CCNL2: variants seen among roughly 807,000 people sequenced by gnomAD.
The protein encoded by CCNL2 is cyclin L2.
CCNL2 carries 28 observed loss-of-function variants against 59.1 expected under a neutral mutation model. The observed-to-expected ratio is 0.47, with a 90% confidence interval of 0.35 to 0.65. The LOEUF is 0.65. CCNL2 is among the 30% of genes least tolerant of loss of function. The pLI, the probability that CCNL2 is intolerant of heterozygous loss-of-function variation, is 0.00. For synonymous variants in CCNL2, 342 were observed against 288.6 expected, an observed-to-expected ratio of 1.19 and a Z score of -1.88; for missense variants, 714 against 717.4, an observed-to-expected ratio of 1.00 and a Z score of 0.05.
intron 8 of CCNL2, chr1:1,388,650 A>G: frequency 2.4e-6 from 1 of 420,496 alleles, no homozygotes; most frequent in Non-Finnish European, 4.7e-6. Flanking sequence ...GGGCGCCTGC[A>G]ATCCCAGCTA....
At chr1:1,391,039 C>T (rs1644736941) in intron 5 of CCNL2, 174 bp from the exon 6 acceptor site, 1 of 950,324 alleles carries the variant, frequency 1.1e-6, no homozygotes, top group Non-Finnish European at 1.5e-6. Context: ...AATATTCTAG[C>T]TGCTTTTTCT....
In CCNL2 at chr1:1,390,849, T is replaced by C; in HGVS notation, c.676A>G (p.Ser226Gly). 1 of 1,614,068 alleles carries C rather than the reference T, an allele frequency of 6.2e-7. No homozygotes were observed. Among genetic ancestry groups the C allele is most frequent in the Non-Finnish European group, 8.5e-7 (1 of 1,179,958 alleles). Reference sequence around the variant, plus strand: ...CGCACGAAGACGTCGGTGCGAAGGCTGTCGTTCATGTAATTCCTGGAAGCC... The same window carrying C: ...CGCACGAAGACGTCGGTGCGAAGGCCGTCGTTCATGTAATTCCTGGAAGCC... ...VQTSWNYMND[S>G]LRTDVFVRFQ... The change falls in exon 6 of 11, where the codon AGC (serine) becomes GGC (glycine). Residue 226 changes from serine to glycine, a missense_variant. This residue lies in a region of CCNL2 where 19 missense variants were observed against 40.8 expected (regional missense o/e 0.47). Coordinates refer to ENST00000400809, the MANE Select transcript of CCNL2 (RefSeq NM_030937.6).
At position 1,390,322 on chromosome 1, in the gene CCNL2, ATAGC is replaced by A; in HGVS notation, c.910_913del (p.Ala304SerfsTer48). On this transcript the variant is annotated frameshift_variant, in exon 8 of 11. Coordinates refer to ENST00000400809, the MANE Select transcript of CCNL2 (RefSeq NM_030937.6). LOFTEE classifies it high-confidence loss of function. ...CCGGGCTTGGGCCTTTGCCTCTTCG[ATAGC>A]GTGCTTTCTTTTTTCCACTTCACCC... 6.2e-7 allele frequency: 1 copy of A among 1,613,962 alleles called. No individual in the cohort carries two copies.
At chr1:1,398,794 C>T (rs1645199867) in intron 1 of CCNL2, 123 bp from the exon 2 acceptor site, 1 of 1,253,638 alleles carries the variant, frequency 8.0e-7, no homozygotes, top group Non-Finnish European at 1.1e-6. Flanking sequence ...CCCACGTCCA[C>T]AAAGGCTCTT....
rs1644466261 is a variant in CCNL2 at position 1,386,614 on chromosome 1, C to G, written c.*617G>C. ...AGATAAAAATATACGACTTTCAACACAGATCCAAATACCCTCACATTTTAA... is the reference window on the plus strand; with the variant it reads ...AGATAAAAATATACGACTTTCAACAGAGATCCAAATACCCTCACATTTTAA... On this transcript the variant is annotated 3_prime_UTR_variant, in exon 11 of 11. Transcript: ENST00000400809. The G allele has an allele frequency of 6.5e-6, 1 of 152,672 alleles. No homozygotes were observed. Among genetic ancestry groups the G allele is most frequent in the Non-Finnish European group, 1.5e-5 (1 of 68,080 alleles). 9.5% of individuals were successfully genotyped at this position (152,672 alleles called of 1,614,324 possible). A position where few individuals can be genotyped will look rare whatever the true frequency, so the allele number is the denominator to read the frequency against.
At chr1:1,397,328 C>A (rs1285085707) in intron 3 of CCNL2, among the ~76,000 whole-genome samples, 1 of 151,404 alleles carries the variant, frequency 6.6e-6, no homozygotes, top group African/African-American at 2.4e-5. Flanking sequence ...AGGGCCTCAC[C>A]CTGTTGTCCA....
chr1:1,386,873 C>T lies in CCNL2; in HGVS notation c.*358G>A, dbSNP rs188681363. The T allele has an allele frequency of 1.7e-3, 429 of 247,862 alleles. 2 individuals carry two copies. The highest frequency in any genetic ancestry group is 9.2e-3 in the African/African-American group (414 of 44,954). The allele number at this position is 247,862 out of a possible 1,614,324, so 15.4% of individuals were successfully genotyped here. A position where few individuals can be genotyped will look rare whatever the true frequency, so the allele number is the denominator to read the frequency against. ...TGGCTTCACGTAATTGAGTATCAGTCGGGGAGTGGAGAGCGGCTGCCGATA... is the reference window on the plus strand; with the variant it reads ...TGGCTTCACGTAATTGAGTATCAGTTGGGGAGTGGAGAGCGGCTGCCGATA... On this transcript the variant is annotated 3_prime_UTR_variant, in exon 11 of 11. Coordinates refer to ENST00000400809, the MANE Select transcript of CCNL2 (RefSeq NM_030937.6).
At chr1:1,388,139 A>G (rs1644560493) in intron 8 of CCNL2, 74 bp from the exon 9 acceptor site, 4 of 1,217,534 alleles carry the variant, frequency 3.3e-6, no homozygotes, top group South Asian at 2.4e-5. Context: ...GTAGAGCGAG[A>G]TAAGGCCCCT....
intron 5 of CCNL2, chr1:1,393,091 C>A (rs1644836361): frequency 1.7e-6 from 1 of 586,448 alleles, no homozygotes; most frequent in Non-Finnish European, 3.0e-6. Flanking sequence ...TCCCTCCACC[C>A]TCCCCAGGAA....
In CCNL2 at chr1:1,385,798, C is replaced by T. The variant is rs1007803386; in HGVS notation, c.*1433G>A. 1 of 152,176 alleles carries T rather than the reference C, an allele frequency of 6.6e-6. No individual in the cohort carries two copies. Among genetic ancestry groups the T allele is most frequent in the Non-Finnish European group, 1.5e-5 (1 of 68,034 alleles). The allele number at this position is 152,176 out of a possible 1,614,324, so 9.4% of individuals were successfully genotyped here. A position where few individuals can be genotyped will look rare whatever the true frequency, so the allele number is the denominator to read the frequency against. Reference sequence around the variant, plus strand: ...CAAATGGAGAGCGGTCTCTTGGGTACAGGTGTGTATGGCCCTTTACTGGTT... The same window carrying T: ...CAAATGGAGAGCGGTCTCTTGGGTATAGGTGTGTATGGCCCTTTACTGGTT... On this transcript the variant is annotated 3_prime_UTR_variant, in exon 11 of 11. Transcript: ENST00000400809.
At chr1:1,398,366 G>A (rs1479609548) in intron 2 of CCNL2, 24 bp from the exon 3 acceptor site, 10 of 1,613,648 alleles carry the variant, frequency 6.2e-6, no homozygotes, top group Non-Finnish European at 7.6e-6. Flanking sequence ...ATTGCAACAC[G>A]CCCATGTTTG....
chr1:1,390,433 C>A, intron 7 of CCNL2, 26 bp downstream of exon 7: 1 of 1,612,514 alleles, frequency 6.2e-7, no homozygotes, highest in Non-Finnish European at 8.5e-7. Context: ...CAAACGCATA[C>A]GTTACATGAA....
intron 3 of CCNL2, among the ~76,000 whole-genome samples, chr1:1,396,812 G>C (rs950668137): frequency 2.0e-5 from 3 of 148,594 alleles, no homozygotes; most frequent in African/African-American, 7.5e-5. Flanking sequence ...GCAGTGGCCC[G>C]ATCTCAGCTC....
At position 1,393,473 on chromosome 1, in the gene CCNL2, G is replaced by A. The variant is rs907264181; in HGVS notation, c.595-13C>T. On this transcript the variant is annotated splice_polypyrimidine_tract_variant and intron_variant, in intron 4 of 10. Transcript: ENST00000400809. The stretch of plus-strand genomic sequence containing the variant: ...ACATAACGATTATCTGGAAGATACG[G>A]GTCAGGCAGTTATTACCAAGAACCT... 1.9e-6 allele frequency: 3 copies of A among 1,613,054 alleles called. No individual in the cohort carries two copies. The highest frequency in any genetic ancestry group is 1.7e-5 in the Admixed American group (1 of 60,014).
At position 1,399,039 on chromosome 1, in the gene CCNL2, T is replaced by A. The variant is rs1416376225; in HGVS notation, c.268A>T (p.Ile90Phe). 6.3e-7 allele frequency: 1 copy of A among 1,590,642 alleles called. No homozygotes were observed. ...VGCELIQAAG[I>F]LLRLPQVAMA... ...CTCACCTGCGGCAGGCGGAGCAGGA[T>A]ACCGGCCGCCTGGATGAGCTCGCAG... The change falls in exon 1 of 11, where the codon ATC (isoleucine) becomes TTC (phenylalanine). Residue 90 changes from isoleucine to phenylalanine, a missense_variant. By Grantham distance (21) the Ile-to-Phe change is conservative. Coordinates refer to ENST00000400809, the MANE Select transcript of CCNL2 (RefSeq NM_030937.6).
chr1:1,394,567 T>A (rs181619895), intron 4 of CCNL2, among the ~76,000 whole-genome samples: 2 of 151,518 alleles, frequency 1.3e-5, no homozygotes, highest in Admixed American at 6.6e-5. Flanking sequence ...CCGGCCAACA[T>A]GACGAAACCC....
chr1:1,399,104 C>T lies in CCNL2; in HGVS notation c.203G>A (p.Gly68Asp), dbSNP rs1214921573. 3 of 1,611,796 alleles carry T rather than the reference C, an allele frequency of 1.9e-6. No individual in the cohort carries two copies. Among genetic ancestry groups the T allele is most frequent in the African/African-American group, 2.7e-5 (2 of 74,580 alleles). The change falls in exon 1 of 11, where the codon GGC becomes GAC. Residue 68 changes from glycine (G) to aspartate (D), a missense_variant. By Grantham distance (94) the Gly-to-Asp change is moderately conservative (BLOSUM62 -1). Around this residue, in one of 5 missense-constraint regions of CCNL2, gnomAD observed 270 missense variants for 254.9 expected, o/e 1.06. Coordinates refer to ENST00000400809, the MANE Select transcript of CCNL2 (RefSeq NM_030937.6). ...KLRFTPSMSS[G>D]LDTDTETDLR... ...GTCGGTCTCTGTGTCGGTGTCGAGGCCGCTCGACATGGACGGCGTGAAACG... is the reference window on the plus strand; with the variant it reads ...GTCGGTCTCTGTGTCGGTGTCGAGGTCGCTCGACATGGACGGCGTGAAACG...
chr1:1,391,573 G>T (rs1361162802), intron 5 of CCNL2: 1 of 1,304,728 alleles, frequency 7.7e-7, no homozygotes, highest in Non-Finnish European at 1.0e-6. Flanking sequence ...TTCAACAAGG[G>T]GTCTTAAAAT....
At chr1:1,395,587 C>G (rs1470797703) in intron 3 of CCNL2, 73 bp from the exon 4 acceptor site, 14 of 1,591,454 alleles carry the variant, frequency 8.8e-6, no homozygotes, top group Non-Finnish European at 1.1e-5. Context: ...GTCGTTACCT[C>G]CAACTATGAG....
Sources: gnomAD v4.1 joint callset for allele counts (sites outside exome capture counted in the v4.1 genomes callset) on GRCh38, gnomAD v4.1.1 for gene constraint, gnomAD v4.1.1 regional missense constraint, MANE v1.5 for transcripts, NCBI Gene and HGNC (gene_info 2026-07-23, HGNC 2026-07-21) for gene names.